The following MACROD2 variants were observed in gnomAD, a reference collection of about 807,000 sequenced individuals.
The protein encoded by MACROD2 is ADP-ribose glycohydrolase MACROD2.
A neutral mutation model predicts 70.4 loss-of-function variants in MACROD2; 36 were observed. The ratio of observed to expected loss-of-function variants is 0.51; its 90% CI spans 0.39 to 0.68. The LOEUF (loss-of-function observed/expected upper bound fraction) is 0.68, where lower values mean the gene tolerates loss of function less well. Among genes scored for constraint, MACROD2 ranks in the 30% least tolerant of loss-of-function variants. MACROD2 has a pLI of 0.00. For missense variants in MACROD2, 496 were observed against 538.4 expected (o/e 0.92, Z 0.78); for synonymous variants, 172 against 178.8 (o/e 0.96, Z 0.30).
intron 4 of MACROD2, chr20:14,628,557 G>A (rs1381338920): frequency 6.6e-6 from 1 of 152,164 alleles, no homozygotes; most frequent in African/African-American, 2.4e-5. Context: ...AGGTAATGGT[G>A]GTAAGTGTGT....
At position 15,827,358 on chromosome 20, in the gene MACROD2, C is replaced by T. The variant is rs554502293; in HGVS notation, c.646-35387C>T. Among the ~76,000 whole-genome samples, 7 of 152,248 alleles carry T rather than the reference C, an allele frequency of 4.6e-5. No homozygotes were observed. In the East Asian group the frequency reaches 1.4e-3, roughly 29 times the overall value. ...TAGATAAAAGGATTATTAAATACCT[C>T]AGATACCTTTTCCTATGACACACCT... On this transcript the variant is annotated intron_variant, in intron 8 of 17. Transcript: ENST00000684519.
chr20:15,378,802 A>C (rs550079385), intron 6 of MACROD2, among the ~76,000 whole-genome samples: 25 of 152,306 alleles, frequency 1.6e-4, no homozygotes, highest in African/African-American at 5.3e-4. Flanking sequence ...TTTCAACCTT[A>C]ACTGATGCAT....
intron 5 of MACROD2, among the ~76,000 whole-genome samples, chr20:15,174,628 A>G (rs1340682495): frequency 6.6e-6 from 1 of 152,148 alleles, no homozygotes; most frequent in Non-Finnish European, 1.5e-5. Flanking sequence ...CAACAGTGTA[A>G]AAGTGTTCCT....
At chr20:14,698,016 G>C (rs1376366538) in intron 5 of MACROD2, among the ~76,000 whole-genome samples, 1 of 152,124 alleles carries the variant, frequency 6.6e-6, no homozygotes. Flanking sequence ...ATATGTGCCA[G>C]GTGCTTTGCT....
At position 15,007,232 on chromosome 20, in the gene MACROD2, C is replaced by T. The variant is rs570793532; in HGVS notation, c.419-222708C>T. Among the ~76,000 whole-genome samples, 4 of 152,074 alleles carry T rather than the reference C, an allele frequency of 2.6e-5. No homozygotes were observed. The South Asian group carries it at 6.3e-4, about 24-fold the overall frequency. ...ACAAAAAATTAGCTGAGCATGGTGGCGGGTGCCTGTAGTCCCAGCTACTGG... is the reference window on the plus strand; with the variant it reads ...ACAAAAAATTAGCTGAGCATGGTGGTGGGTGCCTGTAGTCCCAGCTACTGG... On this transcript the variant is annotated intron_variant, in intron 5 of 17. Transcript: ENST00000684519.
Position 14,009,508 on chromosome 20 carries a change from T to C in MACROD2, c.163+7104T>C, listed in dbSNP as rs143204887. On this transcript the variant is annotated intron_variant, in intron 2 of 17. Coordinates refer to ENST00000684519, the MANE Select transcript of MACROD2 (RefSeq NM_001351661.2). ...AGGTTATAGAGGAACACTGATACAC[T>C]GTTGGTGGGAATGTAAATTAGCTCA... 3.9e-3 allele frequency among the ~76,000 whole-genome samples: 597 copies of C among 152,310 alleles called. 2 individuals are homozygous for C. Among genetic ancestry groups the C allele is most frequent in the Middle Eastern group, 0.014 (4 of 294 alleles).
At chr20:15,125,196 G>T (rs1601106484) in intron 5 of MACROD2, among the ~76,000 whole-genome samples, 1 of 152,014 alleles carries the variant, frequency 6.6e-6, no homozygotes, top group East Asian at 1.9e-4. Flanking sequence ...TCGACTGCAT[G>T]GCACTATGAA....
chr20:15,993,534 G>A (rs888789683), intron 15 of MACROD2, among the ~76,000 whole-genome samples: 7 of 152,038 alleles, frequency 4.6e-5, no homozygotes, highest in African/African-American at 1.4e-4. Context: ...CGAGGTTTGT[G>A]TAAGTACACT....
At chr20:15,801,482 G>GA (rs71190201) in intron 8 of MACROD2, among the ~76,000 whole-genome samples, 39,320 of 143,280 alleles carry the variant, frequency 0.27, 5,422 homozygotes, top group African/African-American at 0.38. Context: ...TATCAAACAT[G>GA]AAAAAAAAAA....
intron 3 of MACROD2, among the ~76,000 whole-genome samples, chr20:14,244,728 C>T (rs2081955832): frequency 1.3e-5 from 2 of 152,208 alleles, no homozygotes; most frequent in Non-Finnish European, 2.9e-5. Context: ...AGGGCCATCA[C>T]ATTTTTAACA....
chr20:15,131,752 G>T lies in MACROD2; in HGVS notation c.419-98188G>T, dbSNP rs537186953. On this transcript the variant is annotated intron_variant, in intron 5 of 17. Transcript: ENST00000684519. Reference sequence around the variant, plus strand: ...TTTAAAACTTACAAATCACCAAGGGGAAAACATGTATGTAACACATAAAGA... The same window carrying T: ...TTTAAAACTTACAAATCACCAAGGGTAAAACATGTATGTAACACATAAAGA... Among the ~76,000 whole-genome samples, 8 of 151,942 alleles carry T rather than the reference G, an allele frequency of 5.3e-5. No homozygotes were observed. The South Asian group carries it at 1.7e-3, about 32-fold the overall frequency.
At chr20:14,168,662 T>G (rs2081192469) in intron 3 of MACROD2, among the ~76,000 whole-genome samples, 1 of 152,210 alleles carries the variant, frequency 6.6e-6, no homozygotes, top group Non-Finnish European at 1.5e-5. Flanking sequence ...ATGTATCCAC[T>G]ACAGTATTAT....
intron 4 of MACROD2, among the ~76,000 whole-genome samples, chr20:14,597,123 TA>T (rs1233576133): frequency 6.6e-6 from 1 of 152,194 alleles, no homozygotes; most frequent in Non-Finnish European, 1.5e-5. Context: ...ATGAATATTT[TA>T]AAAAGCATAA....
At chr20:15,651,943 T>C (rs2049651430) in intron 8 of MACROD2, among the ~76,000 whole-genome samples, 1 of 152,184 alleles carries the variant, frequency 6.6e-6, no homozygotes, top group East Asian at 1.9e-4. Flanking sequence ...AGAGCCTAAA[T>C]AAACCAGGGT....
At chr20:15,157,349 ACCCC>A (rs71870874) in intron 5 of MACROD2, among the ~76,000 whole-genome samples, 1 of 109,398 alleles carries the variant, frequency 9.1e-6, no homozygotes, top group African/African-American at 3.5e-5. Flanking sequence ...CTAATTAACC[ACCCC>A]CCCCCACCTC....
chr20:14,021,581 T>C (rs868511768), intron 2 of MACROD2, among the ~76,000 whole-genome samples: 26 of 152,252 alleles, frequency 1.7e-4, no homozygotes, highest in Non-Finnish European at 1.2e-4. Flanking sequence ...AGTTTCTCTT[T>C]GTTTTTTGAT....
chr20:15,646,394 G>T (rs1288763595), intron 8 of MACROD2, among the ~76,000 whole-genome samples: 1 of 152,066 alleles, frequency 6.6e-6, no homozygotes, highest in East Asian at 1.9e-4. Context: ...AATGTATTAA[G>T]GTGGAAATTT....
chr20:14,907,799 T>C (rs2122578518), intron 5 of MACROD2, among the ~76,000 whole-genome samples: 1 of 152,276 alleles, frequency 6.6e-6, no homozygotes, highest in Middle Eastern at 3.4e-3. Context: ...AGTTTAGATA[T>C]TGACTATTGA....
intron 3 of MACROD2, among the ~76,000 whole-genome samples, chr20:14,188,654 C>T (rs1312971291): frequency 1.3e-5 from 2 of 152,062 alleles, no homozygotes; most frequent in Non-Finnish European, 2.9e-5. Context: ...TTGTTTTCAC[C>T]CATTAAGATA....
Sources: gnomAD v4.1 joint callset for allele counts (sites outside exome capture counted in the v4.1 genomes callset) on GRCh38, gnomAD v4.1.1 for gene constraint, MANE v1.5 for transcripts, NCBI Gene and HGNC (gene_info 2026-07-23, HGNC 2026-07-21) for gene names.